The following SLC22A3 variants were observed in gnomAD, a reference collection of about 807,000 sequenced individuals.
SLC22A3 encodes solute carrier family 22 member 3, also known as EMT organic cation transporter 3.
SLC22A3 carries 51 observed loss-of-function variants against 59.1 expected under a neutral mutation model. That is an observed-to-expected ratio of 0.86 (90% CI 0.69 to 1.09). SLC22A3 has a LOEUF of 1.09. Among genes scored for constraint, SLC22A3 ranks in the 50% least tolerant of loss-of-function variants. The pLI is 0.00. For missense variants in SLC22A3, 711 were observed against 726.3 expected (o/e 0.98, Z 0.24); for synonymous variants, 325 against 292.0 (o/e 1.11, Z -1.15).
intron 5 of SLC22A3, among the ~76,000 whole-genome samples, chr6:160,414,905 A>C (rs1452488052): frequency 6.6e-6 from 1 of 152,180 alleles, no homozygotes; most frequent in African/African-American, 2.4e-5. Flanking sequence ...TCGGATGCTC[A>C]AATTGCTCCA....
chr6:160,353,696 C>T (rs1323118061), intron 1 of SLC22A3, among the ~76,000 whole-genome samples: 5 of 152,132 alleles, frequency 3.3e-5, no homozygotes, highest in African/African-American at 4.8e-5. Context: ...ATTCTCGGGT[C>T]GCACACACAG....
In SLC22A3 at chr6:160,407,141, C is replaced by T. The variant is rs778599126; in HGVS notation, c.634C>T (p.Arg212Cys). 242 of 1,612,244 alleles carry T rather than the reference C, an allele frequency of 1.5e-4. No individual in the cohort carries two copies. Among genetic ancestry groups the T allele is most frequent in the Non-Finnish European group, 1.9e-4 (219 of 1,179,092 alleles). The change falls in exon 3 of 11, where the codon CGC becomes TGC. Residue 212 changes from arginine to cysteine, a missense_variant. Arg to Cys is a radical substitution (Grantham distance 180). Coordinates refer to ENST00000275300, the MANE Select transcript of SLC22A3 (RefSeq NM_021977.4). ...APNFPVFVIFRFLQGVFGKGT... is the reference protein window; with the variant it reads ...APNFPVFVIFCFLQGVFGKGT... The stretch of plus-strand genomic sequence containing the variant: ...AAACTTCCCTGTGTTTGTGATCTTC[C>T]GCTTCCTGCAAGGTGTATTTGGAAA...
intron 4 of SLC22A3, 44 bp from the exon 5 acceptor site, chr6:160,410,685 T>C: frequency 8.0e-7 from 1 of 1,257,612 alleles, no homozygotes; most frequent in Non-Finnish European, 1.2e-6. Flanking sequence ...TTTTAGCGTT[T>C]GAAATTCCTA....
intron 7 of SLC22A3, among the ~76,000 whole-genome samples, chr6:160,438,440 C>G (rs1435266347): frequency 6.6e-6 from 1 of 152,096 alleles, no homozygotes; most frequent in African/African-American, 2.4e-5. Context: ...TGAGGACCAG[C>G]CAAGAAATGG....
chr6:160,450,059 T>A (rs1788892539), intron 10 of SLC22A3, among the ~76,000 whole-genome samples: 1 of 152,134 alleles, frequency 6.6e-6, no homozygotes, highest in African/African-American at 2.4e-5. Context: ...TTGATAAACA[T>A]CTTAAACAAC....
At chr6:160,405,371 A>G (rs1786971256) in intron 2 of SLC22A3, among the ~76,000 whole-genome samples, 1 of 152,146 alleles carries the variant, frequency 6.6e-6, no homozygotes, top group Admixed American at 6.6e-5. Flanking sequence ...CTACATATCT[A>G]TTAGAATGGC....
chr6:160,436,401 T>A (rs1788335716), intron 5 of SLC22A3, among the ~76,000 whole-genome samples: 1 of 152,216 alleles, frequency 6.6e-6, no homozygotes. Context: ...TACTCTATTT[T>A]GTTTGTGAAA....
intron 5 of SLC22A3, among the ~76,000 whole-genome samples, chr6:160,411,628 G>C (rs1390897153): frequency 6.6e-6 from 1 of 152,116 alleles, no homozygotes; most frequent in Middle Eastern, 3.2e-3. Flanking sequence ...TGTTGTCTCA[G>C]CTACTCAGGA....
At chr6:160,385,419 T>G (rs1785964388) in intron 1 of SLC22A3, among the ~76,000 whole-genome samples, 1 of 152,218 alleles carries the variant, frequency 6.6e-6, no homozygotes, top group Non-Finnish European at 1.5e-5. Flanking sequence ...GGGGGAGATA[T>G]CCAAGGGTTC....
At position 160,437,130 on chromosome 6, in the gene SLC22A3, C is replaced by G; in HGVS notation, c.1207C>G (p.Arg403Gly). The G allele has an allele frequency of 6.2e-7, 1 of 1,614,128 alleles. No individual in the cohort carries two copies. The highest frequency in any genetic ancestry group is 1.1e-5 in the South Asian group (1 of 91,076). The change falls in exon 7 of 11, where the codon CGC becomes GGC. Residue 403 changes from arginine (R) to glycine (G), a missense_variant. Arg to Gly is a moderately radical substitution (Grantham distance 125). Coordinates refer to ENST00000275300, the MANE Select transcript of SLC22A3 (RefSeq NM_021977.4). ...TCTCTTGATCTTACTAACCATTGAG[C>G]GCCTTGGACGACGCCTCCCCTTTGC... Reference protein sequence around the residue: ...GALLILLTIERLGRRLPFAAS... With the variant: ...GALLILLTIEGLGRRLPFAAS...
At chr6:160,363,803 G>A (rs1432216426) in intron 1 of SLC22A3, among the ~76,000 whole-genome samples, 1 of 152,052 alleles carries the variant, frequency 6.6e-6, no homozygotes, top group African/African-American at 2.4e-5. Context: ...CTGCCTTCAA[G>A]ACCGCCTTTG....
At chr6:160,351,617 T>C (rs1159121710) in intron 1 of SLC22A3, among the ~76,000 whole-genome samples, 1 of 152,248 alleles carries the variant, frequency 6.6e-6, no homozygotes, top group Non-Finnish European at 1.5e-5. Context: ...AAAGGAACTG[T>C]AGTTCCATCT....
At chr6:160,356,332 C>T (rs1035535336) in intron 1 of SLC22A3, among the ~76,000 whole-genome samples, 2 of 152,212 alleles carry the variant, frequency 1.3e-5, no homozygotes, top group Non-Finnish European at 2.9e-5. Flanking sequence ...CCTATCTGCT[C>T]ATGGGGTCTG....
intron 1 of SLC22A3, among the ~76,000 whole-genome samples, chr6:160,368,467 T>C (rs2114767868): frequency 6.6e-6 from 1 of 152,252 alleles, no homozygotes; most frequent in Middle Eastern, 3.4e-3. Flanking sequence ...TTAAACCTGC[T>C]TAAGTTCACC....
At chr6:160,364,290 G>A (rs1388791969) in intron 1 of SLC22A3, among the ~76,000 whole-genome samples, 2 of 152,118 alleles carry the variant, frequency 1.3e-5, no homozygotes, top group African/African-American at 4.8e-5. Flanking sequence ...GGCTGCATAG[G>A]GGCCCTAAAG....
At chr6:160,380,068 A>G (rs1295970425) in intron 1 of SLC22A3, among the ~76,000 whole-genome samples, 1 of 152,198 alleles carries the variant, frequency 6.6e-6, no homozygotes, top group African/African-American at 2.4e-5. Flanking sequence ...AAAATAATGG[A>G]TATTTATAGA....
intron 1 of SLC22A3, among the ~76,000 whole-genome samples, chr6:160,376,371 G>T (rs892286571): frequency 4.6e-5 from 7 of 152,070 alleles, no homozygotes; most frequent in Admixed American, 1.3e-4. Flanking sequence ...GGTGCGGAGA[G>T]GGGTGAGGGG....
At chr6:160,361,319 A>C (rs1785005533) in intron 1 of SLC22A3, among the ~76,000 whole-genome samples, 1 of 152,252 alleles carries the variant, frequency 6.6e-6, no homozygotes, top group African/African-American at 2.4e-5. Flanking sequence ...GAGAAACATG[A>C]CAAGGTCAGG....
At chr6:160,354,617 A>G (rs1784768205) in intron 1 of SLC22A3, among the ~76,000 whole-genome samples, 1 of 152,162 alleles carries the variant, frequency 6.6e-6, no homozygotes, top group African/African-American at 2.4e-5. Flanking sequence ...CCTAGGCAGC[A>G]TTTTGAGACT....
Sources: gnomAD v4.1 joint callset for allele counts (sites outside exome capture counted in the v4.1 genomes callset) on GRCh38, gnomAD v4.1.1 for gene constraint, MANE v1.5 for transcripts, NCBI Gene and HGNC (gene_info 2026-07-23, HGNC 2026-07-21) for gene names.